PTK2: variants seen among roughly 807,000 people sequenced by gnomAD.
PTK2 encodes protein tyrosine kinase 2.
In PTK2, 45 loss-of-function variants were observed where a neutral mutation model predicts 150.1. That is an observed-to-expected ratio of 0.30 (90% CI 0.24 to 0.38). The LOEUF (loss-of-function observed/expected upper bound fraction) is 0.38, where lower values mean the gene tolerates loss of function less well. Among genes scored for constraint, PTK2 ranks in the 10% least tolerant of loss-of-function variants. The pLI is 1.00. For missense variants in PTK2, 919 were observed against 1,307.3 expected, an observed-to-expected ratio of 0.70 and a Z score of 4.58; for synonymous variants, 432 against 449.2, an observed-to-expected ratio of 0.96 and a Z score of 0.48.
intron 1 of PTK2, among the ~76,000 whole-genome samples, chr8:140,956,523 G>A (rs1205054323): frequency 6.6e-6 from 1 of 152,174 alleles, no homozygotes; most frequent in Non-Finnish European, 1.5e-5. Flanking sequence ...AATTATCATT[G>A]TAGAGTACAC....
chr8:140,879,133 T>TAATATATATATATATA (rs567250604), intron 4 of PTK2: 3 of 162,442 alleles, frequency 1.8e-5, no homozygotes, highest in African/African-American at 7.2e-5. Context: ...GATGAAAACA[T>TAATATATATATATATA]TATATATATA....
chr8:140,736,544 T>C (rs184998818), intron 21 of PTK2, among the ~76,000 whole-genome samples: 2 of 151,918 alleles, frequency 1.3e-5, no homozygotes, highest in African/African-American at 4.8e-5. Flanking sequence ...AAAAAAAATT[T>C]AAAAATTCAC....
At chr8:140,961,523 G>A (rs536288504) in intron 1 of PTK2, among the ~76,000 whole-genome samples, 6 of 151,982 alleles carry the variant, frequency 3.9e-5, no homozygotes, top group African/African-American at 9.7e-5. Context: ...TTAGCCGGGC[G>A]TGGTGGCGGG....
intron 24 of PTK2, 97 bp downstream of exon 27, chr8:140,706,022 A>T (rs1240212512): frequency 2.0e-6 from 2 of 989,018 alleles, no homozygotes; most frequent in African/African-American, 3.2e-5. Context: ...AATCATACTC[A>T]TAAGTACATA....
At chr8:140,812,681 G>C (rs1024469872) in intron 10 of PTK2, among the ~76,000 whole-genome samples, 2 of 152,046 alleles carry the variant, frequency 1.3e-5, no homozygotes, top group African/African-American at 4.8e-5. Context: ...TAAAGGAATG[G>C]AGAAAAATCC....
intron 31 of PTK2, among the ~76,000 whole-genome samples, chr8:140,663,733 G>C (rs1287373375): frequency 6.6e-6 from 1 of 152,086 alleles, no homozygotes; most frequent in Non-Finnish European, 1.5e-5. Flanking sequence ...GAGTATGGTG[G>C]CTTGATCCTA....
intron 26 of PTK2, 155 bp from the exon 30 acceptor site, chr8:140,686,849 A>G: frequency 1.5e-6 from 1 of 669,308 alleles, no homozygotes; most frequent in Non-Finnish European, 2.5e-6. Context: ...GTGATGATAA[A>G]TGAAGGTTGG....
Position 140,998,680 on chromosome 8 carries a change from G to A in PTK2, c.-122+2445C>T, listed in dbSNP as rs558635453. 5.3e-5 allele frequency among the ~76,000 whole-genome samples: 8 copies of A among 152,042 alleles called. No homozygotes were observed. In the East Asian group the frequency reaches 1.2e-3, roughly 22 times the overall value. The stretch of plus-strand genomic sequence containing the variant: ...AAAAAATACAAAAAATTAGCCGGGC[G>A]TGGTGGCGGGCGCCTGTAGTCCCAG... On this transcript the variant is annotated intron_variant, in intron 1 of 31. Transcript: ENST00000522684.
intron 14 of PTK2, among the ~76,000 whole-genome samples, chr8:140,776,785 A>T (rs1184300803): frequency 6.6e-6 from 1 of 152,158 alleles, no homozygotes; most frequent in Non-Finnish European, 1.5e-5. Flanking sequence ...AACTAAGATA[A>T]CAATCTGAGA....
chr8:140,736,702 C>T (rs568772957), intron 21 of PTK2, among the ~76,000 whole-genome samples: 92 of 152,268 alleles, frequency 6.0e-4, no homozygotes, highest in African/African-American at 1.9e-3. Flanking sequence ...GGGCTTCTTG[C>T]TACCTGTGGA....
intron 4 of PTK2, among the ~76,000 whole-genome samples, chr8:140,864,781 C>T (rs551788088): frequency 6.6e-6 from 1 of 152,318 alleles, no homozygotes; most frequent in African/African-American, 2.4e-5. Flanking sequence ...GTTCAGAAAG[C>T]TAAGCTTTAA....
intron 2 of PTK2, among the ~76,000 whole-genome samples, chr8:140,894,965 A>C (rs1457668741): frequency 6.6e-6 from 1 of 152,240 alleles, no homozygotes. Flanking sequence ...CACAAGAAAT[A>C]TTTTCTGAAG....
intron 26 of PTK2, among the ~76,000 whole-genome samples, chr8:140,699,808 G>T (rs535941361): frequency 1.4e-5 from 2 of 147,082 alleles, no homozygotes; most frequent in East Asian, 3.9e-4. Flanking sequence ...ATTATTGCAA[G>T]TTTTTTTTTT....
chr8:140,663,506 T>G (rs1175269162), intron 31 of PTK2, among the ~76,000 whole-genome samples: 1 of 152,140 alleles, frequency 6.6e-6, no homozygotes, highest in African/African-American at 2.4e-5. Context: ...GCATCCCACA[T>G]GCGTTTGTCA....
At chr8:140,869,546 T>A (rs540697607) in intron 4 of PTK2, among the ~76,000 whole-genome samples, 1 of 152,138 alleles carries the variant, frequency 6.6e-6, no homozygotes, top group African/African-American at 2.4e-5. Flanking sequence ...ATGATCACGA[T>A]GTCAGACTTG....
chr8:140,948,888 G>A (rs2100178573), intron 1 of PTK2, among the ~76,000 whole-genome samples: 2 of 151,992 alleles, frequency 1.3e-5, no homozygotes, highest in South Asian at 2.1e-4. Context: ...AAGTACAGTT[G>A]ACCCTTGAAC....
chr8:140,673,415 C>T (rs554625546), intron 29 of PTK2, among the ~76,000 whole-genome samples: 1 of 152,068 alleles, frequency 6.6e-6, no homozygotes, highest in Non-Finnish European at 1.5e-5. Context: ...GCTCAAGATG[C>T]ACCATTTTTT....
At position 140,698,924 on chromosome 8, in the gene PTK2, ATT is replaced by A. The variant is rs10713722; in HGVS notation, c.2499+1965_2499+1966del. 5.4e-3 allele frequency among the ~76,000 whole-genome samples: 521 copies of A among 96,176 alleles called. 3 individuals are homozygous for A. The highest frequency in any genetic ancestry group is 0.019 in the African/African-American group (467 of 24,898). The allele number at this position is 96,176 out of a possible 152,430, so 63.1% of individuals were successfully genotyped here. A position where few individuals can be genotyped will look rare whatever the true frequency, so the allele number is the denominator to read the frequency against. On this transcript the variant is annotated intron_variant, in intron 26 of 31. Coordinates refer to ENST00000522684, the Ensembl canonical transcript of PTK2. Reference sequence around the variant, plus strand: ...GCCACTGCACCTGCCTAATTTTTGTATTTTTTTTTTTTTTTTTTTTTTTTAGT... The same window carrying A: ...GCCACTGCACCTGCCTAATTTTTGTATTTTTTTTTTTTTTTTTTTTTTAGT...
At chr8:140,856,560 A>G (rs879677239) in intron 5 of PTK2, among the ~76,000 whole-genome samples, 10 of 152,170 alleles carry the variant, frequency 6.6e-5, no homozygotes, top group Admixed American at 2.6e-4. Flanking sequence ...AAGAAATTCT[A>G]AAACATGCAA....
Sources: gnomAD v4.1 joint callset for allele counts (sites outside exome capture counted in the v4.1 genomes callset) on GRCh38, gnomAD v4.1.1 for gene constraint, MANE v1.5 for transcripts, NCBI Gene and HGNC (gene_info 2026-07-23, HGNC 2026-07-21) for gene names.